Variants in PELI2 observed in about 807,000 individuals in gnomAD.
The protein encoded by PELI2 is E3 ubiquitin-protein ligase pellino homolog 2.
Under a neutral mutation model 42.3 loss-of-function variants are expected in PELI2, and 23 were observed. That is an observed-to-expected ratio of 0.54 (90% CI 0.39 to 0.77). The LOEUF (loss-of-function observed/expected upper bound fraction) is 0.77, where lower values mean the gene tolerates loss of function less well. PELI2 is among the 30% of genes least tolerant of loss of function. The probability of loss-of-function intolerance (pLI) is 0.00; values close to 1 mark genes in which losing one functional copy is unlikely to be tolerated. For synonymous variants in PELI2, 245 were observed against 212.2 expected, an observed-to-expected ratio of 1.15 and a Z score of -1.34; for missense variants, 463 against 553.2, an observed-to-expected ratio of 0.84 and a Z score of 1.64.
At chr14:56,289,184 C>T (rs1889743666) in intron 4 of PELI2, among the ~76,000 whole-genome samples, 1 of 152,082 alleles carries the variant, frequency 6.6e-6, no homozygotes, top group African/African-American at 2.4e-5. Context: ...GGAAAAAACC[C>T]ACTCAAAATG....
chr14:56,166,552 G>T lies in PELI2; in HGVS notation c.78-11783G>T, dbSNP rs1325482860. On this transcript the variant is annotated intron_variant, in intron 1 of 5. Transcript: ENST00000267460. The stretch of plus-strand genomic sequence containing the variant: ...CCATTTAGCATTTCTTGTAGGAGGG[G>T]TCTGGTATTGATGAAATTTCTCAGC... Among the ~76,000 whole-genome samples, 7 of 152,260 alleles carry T rather than the reference G, an allele frequency of 4.6e-5. No homozygotes were observed. In the East Asian group the frequency reaches 1.2e-3, roughly 25 times the overall value.
At chr14:56,172,406 T>A (rs1480124365) in intron 1 of PELI2, among the ~76,000 whole-genome samples, 1 of 152,214 alleles carries the variant, frequency 6.6e-6, no homozygotes, top group Non-Finnish European at 1.5e-5. Context: ...TCACTTCCTT[T>A]GCATGTTGTT....
At position 56,197,223 on chromosome 14, in the gene PELI2, A is replaced by G. The variant is rs1594629736; in HGVS notation, c.207+18759A>G. 1.3e-5 allele frequency among the ~76,000 whole-genome samples: 2 copies of G among 152,244 alleles called. No homozygotes were observed. The highest frequency in any genetic ancestry group is 4.1e-4 in the South Asian group (2 of 4,834). ...TATTCATTGGTGCTCAGCACTGTCAAGGAAACAAACAGTGGAGAATACTGT... is the reference window on the plus strand; with the variant it reads ...TATTCATTGGTGCTCAGCACTGTCAGGGAAACAAACAGTGGAGAATACTGT... On this transcript the variant is annotated intron_variant, in intron 2 of 5. Coordinates refer to ENST00000267460, the MANE Select transcript of PELI2 (RefSeq NM_021255.3). This position sits in a 1 kb window ranked among gnomAD's most constrained non-coding sequence, Gnocchi z 4.9.
chr14:56,254,402 A>AAG (rs1555351560), intron 2 of PELI2, among the ~76,000 whole-genome samples: 1 of 151,732 alleles, frequency 6.6e-6, no homozygotes, highest in Non-Finnish European at 1.5e-5. Context: ...ATCTCAAAAA[A>AAG]AAAAAAAAAT....
At chr14:56,133,758 G>C (rs772396058) in intron 1 of PELI2, among the ~76,000 whole-genome samples, 2 of 152,142 alleles carry the variant, frequency 1.3e-5, no homozygotes, top group Non-Finnish European at 2.9e-5. Flanking sequence ...CCAGTCAGGA[G>C]CAAGGATCTC....
chr14:56,153,342 C>T (rs1375725314), intron 1 of PELI2, among the ~76,000 whole-genome samples: 9 of 152,112 alleles, frequency 5.9e-5, no homozygotes, highest in Non-Finnish European at 2.9e-5. Flanking sequence ...GCCTGTGGTT[C>T]CTGCTCTTAA....
At chr14:56,283,681 T>G (rs1038315742) in intron 3 of PELI2, among the ~76,000 whole-genome samples, 2 of 152,146 alleles carry the variant, frequency 1.3e-5, no homozygotes, top group African/African-American at 4.8e-5. Context: ...GAAGAGGCAT[T>G]AGGGGCAGAG....
At chr14:56,256,700 A>G (rs1888537753) in intron 2 of PELI2, among the ~76,000 whole-genome samples, 1 of 152,212 alleles carries the variant, frequency 6.6e-6, no homozygotes, top group Non-Finnish European at 1.5e-5. Context: ...TGTAGAATAA[A>G]TAAAATTCTG....
chr14:56,156,176 G>T (rs1401612904), intron 1 of PELI2, among the ~76,000 whole-genome samples: 2 of 152,136 alleles, frequency 1.3e-5, no homozygotes, highest in Non-Finnish European at 2.9e-5. Context: ...CTCAGTATCT[G>T]TAGTAAGTCT....
At chr14:56,254,781 A>C (rs1472905156) in intron 2 of PELI2, among the ~76,000 whole-genome samples, 1 of 152,238 alleles carries the variant, frequency 6.6e-6, no homozygotes, top group Non-Finnish European at 1.5e-5. Flanking sequence ...CAAGGAACTT[A>C]AACAAATTTA....
intron 2 of PELI2, among the ~76,000 whole-genome samples, chr14:56,264,078 T>A (rs922001000): frequency 6.6e-6 from 1 of 152,222 alleles, no homozygotes; most frequent in African/African-American, 2.4e-5. Context: ...TTGCAGTTAT[T>A]TGTAGATGTA....
chr14:56,130,710 A>G (rs1008806133), intron 1 of PELI2, among the ~76,000 whole-genome samples: 9 of 151,924 alleles, frequency 5.9e-5, no homozygotes, highest in African/African-American at 2.2e-4. Flanking sequence ...ACCTGAATAT[A>G]TTATATATAA....
chr14:56,237,010 C>T (rs1269752395), intron 2 of PELI2, among the ~76,000 whole-genome samples: 2 of 152,132 alleles, frequency 1.3e-5, no homozygotes, highest in South Asian at 2.1e-4. Flanking sequence ...GGGCTTTTCC[C>T]CCTGCTCCTA....
At chr14:56,128,665 G>A (rs922338953) in intron 1 of PELI2, among the ~76,000 whole-genome samples, 4 of 152,160 alleles carry the variant, frequency 2.6e-5, no homozygotes, top group African/African-American at 9.7e-5. Flanking sequence ...ATGGCTGGAG[G>A]CTGAAGTACT....
chr14:56,156,013 G>C (rs993165305), intron 1 of PELI2, among the ~76,000 whole-genome samples: 4 of 152,068 alleles, frequency 2.6e-5, no homozygotes, highest in Non-Finnish European at 5.9e-5. Flanking sequence ...CAATATTTAG[G>C]AAAATGATAA....
chr14:56,185,728 C>CT (rs1198429394), intron 2 of PELI2, among the ~76,000 whole-genome samples: 14 of 151,414 alleles, frequency 9.2e-5, no homozygotes, highest in South Asian at 8.4e-4. Flanking sequence ...TTTCTGTAAT[C>CT]TTTTTTTTTC....
chr14:56,212,731 C>T (rs1886754793), intron 2 of PELI2, among the ~76,000 whole-genome samples: 1 of 152,212 alleles, frequency 6.6e-6, no homozygotes, highest in South Asian at 2.1e-4. Flanking sequence ...CTTCATAACT[C>T]TTCAGTCTTC....
intron 2 of PELI2, among the ~76,000 whole-genome samples, chr14:56,276,573 C>T (rs1230714756): frequency 6.6e-6 from 1 of 152,162 alleles, no homozygotes; most frequent in Non-Finnish European, 1.5e-5. Flanking sequence ...GACTATCATG[C>T]TAGTTCCGAA....
chr14:56,202,688 G>T (rs1886373149), intron 2 of PELI2, among the ~76,000 whole-genome samples: 1 of 152,142 alleles, frequency 6.6e-6, no homozygotes, highest in African/African-American at 2.4e-5. Flanking sequence ...ATTGAATTGG[G>T]GCAAGGCAGG....
Sources: gnomAD v4.1 joint callset for allele counts (sites outside exome capture counted in the v4.1 genomes callset) on GRCh38, gnomAD v4.1.1 for gene constraint, Gnocchi (gnomAD v3.1) non-coding constraint, MANE v1.5 for transcripts, NCBI Gene and HGNC (gene_info 2026-07-23, HGNC 2026-07-21) for gene names.